PATJ: variants seen among roughly 807,000 people sequenced by gnomAD.
PATJ encodes inaD-like protein.
Under a neutral mutation model 224.9 loss-of-function variants are expected in PATJ, and 190 were observed. The ratio of observed to expected loss-of-function variants is 0.84; its 90% CI spans 0.75 to 0.95. PATJ has a LOEUF of 0.95. Ranked by LOEUF, PATJ falls within the 40% of genes least tolerant of loss-of-function variation. The pLI is 0.00. For synonymous variants in PATJ, 769 were observed against 820.3 expected, an observed-to-expected ratio of 0.94 and a Z score of 1.07; for missense variants, 2,121 against 2,270.3, an observed-to-expected ratio of 0.93 and a Z score of 1.34.
chr1:62,006,290 A>G (rs975482024), intron 28 of PATJ, among the ~76,000 whole-genome samples: 5 of 151,880 alleles, frequency 3.3e-5, no homozygotes, highest in African/African-American at 9.7e-5. Flanking sequence ...AATTTTTTCT[A>G]TTTTTAGTAG....
chr1:61,871,453 A>T (rs1369126999), intron 20 of PATJ, among the ~76,000 whole-genome samples: 1 of 96,676 alleles, frequency 1.0e-5, no homozygotes, highest in South Asian at 3.0e-4. Flanking sequence ...ACACATATAT[A>T]TGCGTATATA....
At chr1:62,083,184 T>C (rs1477670151) in intron 32 of PATJ, among the ~76,000 whole-genome samples, 2 of 152,246 alleles carry the variant, frequency 1.3e-5, no homozygotes, top group East Asian at 3.8e-4. Flanking sequence ...TAGAGTGCAA[T>C]GGCGCGATCT....
At chr1:62,071,239 G>A (rs1657341244) in intron 31 of PATJ, among the ~76,000 whole-genome samples, 1 of 152,074 alleles carries the variant, frequency 6.6e-6, no homozygotes, top group Non-Finnish European at 1.5e-5. Flanking sequence ...GCATGTTCTG[G>A]GCTCTGCACT....
rs370041311 is a variant in PATJ at position 61,874,822 on chromosome 1, G to A, written c.2836-421G>A. On this transcript the variant is annotated intron_variant, in intron 20 of 43. Coordinates refer to ENST00000642238, the MANE Select transcript of PATJ (RefSeq NM_001350145.3). ...CAGGCAGATAAGAGTGCTAACAAAC[G>A]CTTATAGATATGAAAATTTATCACA... Among the ~76,000 whole-genome samples the A allele has an allele frequency of 1.6e-4, 25 of 152,278 alleles. No individual in the cohort carries two copies. In the East Asian group the frequency reaches 2.3e-3, roughly 14 times the overall value.
At chr1:61,869,321 T>G (rs1180073878) in intron 20 of PATJ, among the ~76,000 whole-genome samples, 1 of 151,996 alleles carries the variant, frequency 6.6e-6, no homozygotes, top group Non-Finnish European at 1.5e-5. Flanking sequence ...TTAGCCGGGA[T>G]GGTCTCGATC....
chr1:61,928,209 G>A (rs777394105), intron 27 of PATJ, among the ~76,000 whole-genome samples: 2 of 152,148 alleles, frequency 1.3e-5, no homozygotes, highest in African/African-American at 2.4e-5. Flanking sequence ...GCTAATGCAG[G>A]ATTACAGAAG....
At chr1:62,035,614 C>A (rs1650239296) in intron 29 of PATJ, among the ~76,000 whole-genome samples, 1 of 127,254 alleles carries the variant, frequency 7.9e-6, no homozygotes, top group Admixed American at 8.0e-5. Flanking sequence ...ACCATTCATT[C>A]ATTTTTTTTT....
intron 28 of PATJ, among the ~76,000 whole-genome samples, chr1:61,998,826 G>A (rs566517084): frequency 1.3e-5 from 2 of 152,080 alleles, no homozygotes; most frequent in African/African-American, 4.8e-5. Context: ...TGCCATTTTT[G>A]TTTCTGACTA....
intron 27 of PATJ, among the ~76,000 whole-genome samples, chr1:61,931,950 C>T (rs924126651): frequency 9.9e-5 from 15 of 151,936 alleles, no homozygotes; most frequent in Non-Finnish European, 2.1e-4. Flanking sequence ...TGAAATATTA[C>T]TTACCTTTAT....
At chr1:61,798,579 G>C (rs1486901503) in intron 11 of PATJ, among the ~76,000 whole-genome samples, 1 of 152,134 alleles carries the variant, frequency 6.6e-6, no homozygotes, top group Non-Finnish European at 1.5e-5. Context: ...ATTCAATTTA[G>C]AATGAGTGAA....
At position 62,135,470 on chromosome 1, in the gene PATJ, C is replaced by G. The variant is rs186857296; in HGVS notation, c.5271+6525C>G. Among the ~76,000 whole-genome samples, 14 of 138,640 alleles carry G rather than the reference C, an allele frequency of 1.0e-4. No homozygotes were observed. In the East Asian group the frequency reaches 2.6e-3, roughly 26 times the overall value. The allele number at this position is 138,640 out of a possible 152,430, so 91.0% of individuals were successfully genotyped here. A position where few individuals can be genotyped will look rare whatever the true frequency, so the allele number is the denominator to read the frequency against. On this transcript the variant is annotated intron_variant, in intron 41 of 43. Coordinates refer to ENST00000642238, the MANE Select transcript of PATJ (RefSeq NM_001350145.3). The stretch of plus-strand genomic sequence containing the variant: ...GGCAGAGGTTGCAATGAGATGAGAT[C>G]GCGCCACTGCACTCCATCCTGGGTG...
In PATJ at chr1:61,771,584, C is replaced by T; in HGVS notation, c.678C>T (p.Ser226=). 1 of 1,609,844 alleles carries T rather than the reference C, an allele frequency of 6.2e-7. No homozygotes were observed. The highest frequency in any genetic ancestry group is 1.3e-5 in the African/African-American group (1 of 74,774). The stretch of plus-strand genomic sequence containing the variant: ...CCAGGGAACCAGTCCACACAAAAAG[C>T]AGTACTTCTAGCAGCCTAAATGATA... ...IVAREPVHTK[S]STSSSLNDTT... The change falls in exon 6 of 44, where the codon AGC becomes AGT. Residue 226 remains serine, a synonymous_variant. Transcript: ENST00000642238.
intron 14 of PATJ, 53 bp from the exon 15 acceptor site, chr1:61,822,892 A>G (rs1657567217): frequency 6.2e-6 from 10 of 1,606,234 alleles, no homozygotes; most frequent in Non-Finnish European, 8.5e-6. Flanking sequence ...TGGAGGATGA[A>G]TAGCCGGATG....
At chr1:61,983,173 G>T (rs759699773) in intron 27 of PATJ, among the ~76,000 whole-genome samples, 5 of 151,888 alleles carry the variant, frequency 3.3e-5, no homozygotes, top group African/African-American at 9.7e-5. Context: ...TATCTGAAGG[G>T]CTGGACCTGT....
chr1:61,780,226 G>A (rs1291897012), intron 7 of PATJ, among the ~76,000 whole-genome samples: 1 of 152,144 alleles, frequency 6.6e-6, no homozygotes, highest in Admixed American at 6.5e-5. Flanking sequence ...CACTTTGGGA[G>A]GCCGAGCTGG....
intron 31 of PATJ, among the ~76,000 whole-genome samples, chr1:62,058,832 C>T (rs1654961832): frequency 6.6e-6 from 1 of 152,172 alleles, no homozygotes; most frequent in Non-Finnish European, 1.5e-5. Context: ...GTGTGCCACA[C>T]TTGGTCTAAC....
chr1:62,132,057 A>G (rs1666323653), intron 41 of PATJ, among the ~76,000 whole-genome samples: 1 of 152,078 alleles, frequency 6.6e-6, no homozygotes, highest in African/African-American at 2.4e-5. Context: ...CATGTTGGCC[A>G]GGCTGGTCTC....
chr1:61,747,018 CA>C (rs1645057388), intron 1 of PATJ, among the ~76,000 whole-genome samples: 1 of 152,174 alleles, frequency 6.6e-6, no homozygotes, highest in Admixed American at 6.5e-5. Flanking sequence ...GAGGAGCCAG[CA>C]GGCTGAATTT....
chr1:61,776,750 G>A (rs1646934503), intron 7 of PATJ, among the ~76,000 whole-genome samples: 1 of 150,374 alleles, frequency 6.7e-6, no homozygotes, highest in Non-Finnish European at 1.5e-5. Context: ...TTTTGAGATG[G>A]AGTCTCGCTG....
Sources: allele counts gnomAD v4.1 joint callset (sites outside exome capture counted in the v4.1 genomes callset), GRCh38; gene constraint gnomAD v4.1.1; transcripts MANE v1.5; gene names NCBI Gene and HGNC (gene_info 2026-07-23, HGNC 2026-07-21).